The following ZZZ3 variants were observed in gnomAD, a reference collection of about 807,000 sequenced individuals.
ZZZ3 encodes the protein zinc finger ZZ-type containing 3, also known as ZZ-type zinc finger-containing protein 3.
ZZZ3 carries 22 observed loss-of-function variants against 95.2 expected under a neutral mutation model. The observed-to-expected ratio is 0.23, with a 90% CI of 0.17 to 0.33. The LOEUF (loss-of-function observed/expected upper bound fraction) is 0.33, where lower values mean the gene tolerates loss of function less well. Ranked by LOEUF, ZZZ3 falls within the 10% of genes least tolerant of loss-of-function variation. The probability of loss-of-function intolerance (pLI) is 1.00; values close to 1 mark genes in which losing one functional copy is unlikely to be tolerated. For synonymous variants in ZZZ3, 335 were observed against 358.9 expected (o/e 0.93, Z 0.75); for missense variants, 885 against 1,066.5 (o/e 0.83, Z 2.37).
At chr1:77,592,483 G>T (rs981204935) in intron 5 of ZZZ3, among the ~76,000 whole-genome samples, 6 of 152,062 alleles carry the variant, frequency 3.9e-5, no homozygotes, top group Non-Finnish European at 1.5e-5. Context: ...TGTATTTTTA[G>T]TAGAGACGGG....
At position 77,632,410 on chromosome 1, in the gene ZZZ3, C is replaced by T. The variant is rs1483798925; in HGVS notation, c.945G>A (p.Glu315=). 6.2e-7 allele frequency: 1 copy of T among 1,614,132 alleles called. No homozygotes were observed. Among genetic ancestry groups the T allele is most frequent in the East Asian group, 2.2e-5 (1 of 44,876 alleles). ...TATCTCCCACCACATCTACTTCCTC[C>T]TCAGAATCCCTTAAAGATGACTGAG... is the stretch of plus-strand genomic sequence containing the variant. ...SETQSSLRDS[E]EEVDVVGDSS... Residue 315 remains glutamate, a synonymous_variant, in exon 5 of 15, where the codon GAG becomes GAA. Transcript: ENST00000370801.
intron 5 of ZZZ3, among the ~76,000 whole-genome samples, chr1:77,606,701 G>C (rs1665267966): frequency 6.6e-6 from 1 of 152,218 alleles, no homozygotes; most frequent in Non-Finnish European, 1.5e-5. Context: ...TGGTAATCCA[G>C]AGAATTCTTT....
At chr1:77,593,445 A>G (rs1332740119) in intron 5 of ZZZ3, among the ~76,000 whole-genome samples, 1 of 152,246 alleles carries the variant, frequency 6.6e-6, no homozygotes, top group East Asian at 1.9e-4. Context: ...CAGATACAGT[A>G]CGGTTCAAAA....
chr1:77,643,374 T>C (rs1362398993), intron 1 of ZZZ3, among the ~76,000 whole-genome samples: 1 of 152,212 alleles, frequency 6.6e-6, no homozygotes, highest in Non-Finnish European at 1.5e-5. Context: ...AAACACTGCT[T>C]TGAATTATGA....
At chr1:77,580,416 T>G (rs778855891) in intron 9 of ZZZ3, 1 of 152,186 alleles carries the variant, frequency 6.6e-6, no homozygotes, top group Non-Finnish European at 1.5e-5. Flanking sequence ...CTCCCAAAGC[T>G]ACATTACAAA....
intron 1 of ZZZ3, among the ~76,000 whole-genome samples, chr1:77,680,718 C>A (rs1246154581): frequency 6.6e-6 from 1 of 152,104 alleles, no homozygotes; most frequent in Non-Finnish European, 1.5e-5. Context: ...CATGGTCAAA[C>A]TATCATTTTA....
At chr1:77,604,967 G>A (rs1044074588) in intron 5 of ZZZ3, among the ~76,000 whole-genome samples, 1 of 151,958 alleles carries the variant, frequency 6.6e-6, no homozygotes, top group Admixed American at 6.6e-5. Flanking sequence ...TCCTAAAGAG[G>A]GGCAGAGCAA....
intron 5 of ZZZ3, among the ~76,000 whole-genome samples, chr1:77,625,256 T>C (rs1355982488): frequency 6.6e-6 from 1 of 152,184 alleles, no homozygotes; most frequent in Non-Finnish European, 1.5e-5. Context: ...GTTCAGAATT[T>C]AGATCTGGTA....
At chr1:77,585,675 G>A (rs1663011845) in intron 5 of ZZZ3, among the ~76,000 whole-genome samples, 3 of 151,986 alleles carry the variant, frequency 2.0e-5, no homozygotes, top group African/African-American at 7.3e-5. Flanking sequence ...TCATTGTTTT[G>A]TTTAGCTAGT....
chr1:77,581,079 A>G lies in ZZZ3; in HGVS notation c.1909-10T>C. On this transcript the variant is annotated splice_polypyrimidine_tract_variant and intron_variant, in intron 8 of 14. Transcript: ENST00000370801. ...AGCGTCCTCTTATCATCTGCACATA[A>G]GACAAGGCTTTTGTCAGAGAGAAAA... 1 of 1,612,598 alleles carries G rather than the reference A, an allele frequency of 6.2e-7. No individual in the cohort carries two copies. The highest frequency in any genetic ancestry group is 8.5e-7 in the Non-Finnish European group (1 of 1,178,620).
intron 5 of ZZZ3, among the ~76,000 whole-genome samples, chr1:77,622,047 A>T (rs1666918917): frequency 6.6e-6 from 1 of 150,764 alleles, no homozygotes; most frequent in Non-Finnish European, 1.5e-5. Context: ...GTGCTGGCTT[A>T]TGCCTGTAAT....
At chr1:77,605,015 A>C (rs1665095396) in intron 5 of ZZZ3, among the ~76,000 whole-genome samples, 1 of 152,186 alleles carries the variant, frequency 6.6e-6, no homozygotes, top group Non-Finnish European at 1.5e-5. Context: ...GGTCCCCCCA[A>C]AAAGGAACAC....
chr1:77,636,068 A>C (rs996375246), intron 4 of ZZZ3, among the ~76,000 whole-genome samples: 4 of 152,342 alleles, frequency 2.6e-5, no homozygotes, highest in Non-Finnish European at 5.9e-5. Flanking sequence ...AGTTAAATTT[A>C]ATAACTAAAA....
intron 11 of ZZZ3, among the ~76,000 whole-genome samples, chr1:77,576,751 T>TAA (rs1661988014): frequency 6.8e-6 from 1 of 146,364 alleles, no homozygotes; most frequent in East Asian, 2.0e-4. Flanking sequence ...TAAAATACAC[T>TAA]CACACTAAAA....
chr1:77,623,137 G>A (rs570501401), intron 5 of ZZZ3, among the ~76,000 whole-genome samples: 2 of 152,140 alleles, frequency 1.3e-5, no homozygotes, highest in South Asian at 4.1e-4. Flanking sequence ...GTGAGAGAAG[G>A]CAAACAGATG....
chr1:77,634,903 T>C (rs907850655), intron 4 of ZZZ3, among the ~76,000 whole-genome samples: 3 of 152,182 alleles, frequency 2.0e-5, no homozygotes, highest in Non-Finnish European at 4.4e-5. Context: ...TTCCTAACTT[T>C]GAATGAGATG....
intron 1 of ZZZ3, among the ~76,000 whole-genome samples, chr1:77,678,415 T>C (rs1319211427): frequency 1.3e-5 from 2 of 152,172 alleles, no homozygotes; most frequent in Admixed American, 1.3e-4. Context: ...AACTTAACAT[T>C]TAATTAACAG....
chr1:77,613,901 C>G (rs1196572642), intron 5 of ZZZ3, among the ~76,000 whole-genome samples: 1 of 152,100 alleles, frequency 6.6e-6, no homozygotes, highest in Non-Finnish European at 1.5e-5. Context: ...GGCCCTTAGA[C>G]TGAATGCCAC....
chr1:77,615,312 C>T (rs1666203947), intron 5 of ZZZ3, among the ~76,000 whole-genome samples: 1 of 152,162 alleles, frequency 6.6e-6, no homozygotes, highest in Non-Finnish European at 1.5e-5. Flanking sequence ...AAAAGACACA[C>T]AGAGGGGAAA....
Sources: gnomAD v4.1 joint callset for allele counts (sites outside exome capture counted in the v4.1 genomes callset) on GRCh38, gnomAD v4.1.1 for gene constraint, MANE v1.5 for transcripts, NCBI Gene and HGNC (gene_info 2026-07-23, HGNC 2026-07-21) for gene names.